PCDH11X: variants seen among roughly 807,000 people sequenced by gnomAD.
PCDH11X encodes the protein protocadherin 11 X-linked.
Under a neutral mutation model 53.3 loss-of-function variants are expected in PCDH11X, and 18 were observed. The ratio of observed to expected loss-of-function variants is 0.34; its 90% CI spans 0.23 to 0.50. The LOEUF is 0.50. PCDH11X is among the 20% of genes least tolerant of loss of function. The probability of loss-of-function intolerance (pLI) is 0.98; values close to 1 mark genes in which losing one functional copy is unlikely to be tolerated. For synonymous variants in PCDH11X, 279 were observed against 393.3 expected, an observed-to-expected ratio of 0.71 and a Z score of 3.44; for missense variants, 570 against 1,032.4, an observed-to-expected ratio of 0.55 and a Z score of 6.14.
At chrX:92,446,787 A>G (rs1443749825) in intron 9 of PCDH11X, among the ~76,000 whole-genome samples, 1 of 111,601 alleles carries the variant, frequency 9.0e-6, no homozygotes, top group Non-Finnish European at 1.9e-5. Flanking sequence ...GGTAACAAGC[A>G]GGGGTTGGAA....
intron 6 of PCDH11X, among the ~76,000 whole-genome samples, chrX:91,924,006 C>T (rs2147824768): frequency 9.2e-6 from 1 of 108,713 alleles, no homozygotes; most frequent in African/African-American, 3.3e-5. Flanking sequence ...CAAACCTGCA[C>T]ATGTACCCCC....
chrX:92,267,040 C>T (rs757985573), intron 8 of PCDH11X, among the ~76,000 whole-genome samples: 4 of 111,690 alleles, frequency 3.6e-5, no homozygotes, highest in African/African-American at 6.5e-5. Flanking sequence ...CCACTGCACC[C>T]GGCCTACTTA....
chrX:91,854,917 T>C (rs1473481536), intron 5 of PCDH11X, among the ~76,000 whole-genome samples: 1 of 111,754 alleles, frequency 8.9e-6, no homozygotes, highest in Non-Finnish European at 1.9e-5. Flanking sequence ...GATGGGTAGT[T>C]TGCAATATTT....
intron 8 of PCDH11X, among the ~76,000 whole-genome samples, chrX:92,321,315 C>G (rs770892583): frequency 9.3e-6 from 1 of 107,813 alleles, no homozygotes; most frequent in South Asian, 4.2e-4. Context: ...GCCTCAGCCT[C>G]CCGAGTAGCT....
At chrX:91,912,575 A>G (rs1448001270) in intron 6 of PCDH11X, among the ~76,000 whole-genome samples, 8 of 110,811 alleles carry the variant, frequency 7.2e-5, no homozygotes, top group African/African-American at 2.6e-4. Flanking sequence ...CACCTTAATG[A>G]TTTATGTATG....
chrX:92,550,266 A>C (rs1396876594), intron 10 of PCDH11X, among the ~76,000 whole-genome samples: 1 of 108,894 alleles, frequency 9.2e-6, no homozygotes, highest in African/African-American at 3.3e-5. Flanking sequence ...CTGTGTATTC[A>C]TTTAAAAAGC....
intron 1 of PCDH11X, among the ~76,000 whole-genome samples, chrX:91,785,094 TCACTGACA>T (rs949967020): frequency 9.5e-6 from 1 of 105,134 alleles, no homozygotes; most frequent in Non-Finnish European, 2.0e-5. Flanking sequence ...TCTGAAGTTC[TCACTGACA>T]CACTCCTGAC....
intron 10 of PCDH11X, among the ~76,000 whole-genome samples, chrX:92,593,505 T>C (rs1483566017): frequency 8.9e-6 from 1 of 111,953 alleles, no homozygotes; most frequent in Non-Finnish European, 1.9e-5. Context: ...TGGTAAGAGG[T>C]TATAAGAAGG....
At chrX:92,216,976 A>C (rs1340427825) in intron 7 of PCDH11X, among the ~76,000 whole-genome samples, 219 of 110,143 alleles carry the variant, frequency 2.0e-3, no homozygotes, top group African/African-American at 7.2e-3. Flanking sequence ...AAGGAGAAAT[A>C]AAATACTTTA....
At chrX:91,938,336 A>G (rs887392916) in intron 6 of PCDH11X, among the ~76,000 whole-genome samples, 1 of 107,186 alleles carries the variant, frequency 9.3e-6, no homozygotes, top group Non-Finnish European at 1.9e-5. Flanking sequence ...CTGTCAAATT[A>G]TGGACCTCAG....
rs754923569 is a variant in PCDH11X at position 91,825,583 on chromosome X, C to A, written c.-44-9878C>A. Among the ~76,000 whole-genome samples, 3 of 111,116 alleles carry A rather than the reference C, an allele frequency of 2.7e-5. No individual in the cohort carries two copies. In the South Asian group the frequency reaches 1.1e-3, roughly 42 times the overall value. On this transcript the variant is annotated intron_variant, in intron 4 of 10. Coordinates refer to ENST00000682573, the MANE Select transcript of PCDH11X (RefSeq NM_032968.5). ...GACCTGCGCCCACTGTGTGGCACTC[C>A]CTAGTGAGATGAACCCAGTACCTCA...
At chrX:92,157,051 C>T (rs1164530484) in intron 6 of PCDH11X, among the ~76,000 whole-genome samples, 3 of 111,847 alleles carry the variant, frequency 2.7e-5, no homozygotes, top group Admixed American at 9.5e-5. Context: ...CCAATGGTTG[C>T]GGTCTGTTCT....
At chrX:92,604,030 T>A (rs956918352) in intron 10 of PCDH11X, among the ~76,000 whole-genome samples, 3 of 107,427 alleles carry the variant, frequency 2.8e-5, no homozygotes, top group Non-Finnish European at 5.8e-5. Flanking sequence ...GTTCAGTCTA[T>A]AACATATAGA....
intron 10 of PCDH11X, among the ~76,000 whole-genome samples, chrX:92,564,028 C>G: frequency 9.1e-6 from 1 of 109,303 alleles, no homozygotes; most frequent in Non-Finnish European, 1.9e-5. Flanking sequence ...CTACAATAGC[C>G]ACAAGTAAAA....
At chrX:92,194,585 A>G (rs1267507302) in intron 6 of PCDH11X, among the ~76,000 whole-genome samples, 1 of 111,757 alleles carries the variant, frequency 8.9e-6, no homozygotes, top group East Asian at 2.8e-4. Context: ...AACTTAAATT[A>G]TAAAAAGTGG....
At chrX:91,995,025 T>C (rs1283151262) in intron 6 of PCDH11X, among the ~76,000 whole-genome samples, 5 of 111,188 alleles carry the variant, frequency 4.5e-5, no homozygotes, top group Non-Finnish European at 9.4e-5. Context: ...CAAAAGTATT[T>C]AGTTGTATGA....
chrX:92,452,090 G>A (rs914901146), intron 9 of PCDH11X, among the ~76,000 whole-genome samples: 2 of 109,180 alleles, frequency 1.8e-5, no homozygotes, highest in Non-Finnish European at 3.8e-5. Flanking sequence ...AAATTATGTC[G>A]ATAGAGAGAG....
At chrX:92,202,769 C>T (rs1035395141) in intron 7 of PCDH11X, among the ~76,000 whole-genome samples, 11 of 111,763 alleles carry the variant, frequency 9.8e-5, no homozygotes, top group African/African-American at 2.9e-4. Flanking sequence ...CGCCTGTAAT[C>T]CCAGCAGTTT....
chrX:92,178,049 T>C (rs2065938073), intron 6 of PCDH11X, among the ~76,000 whole-genome samples: 1 of 111,014 alleles, frequency 9.0e-6, no homozygotes, highest in African/African-American at 3.3e-5. Context: ...GATAAATGAA[T>C]TGTGAGAGCA....
Sources: allele counts gnomAD v4.1 joint callset (sites outside exome capture counted in the v4.1 genomes callset), GRCh38; gene constraint gnomAD v4.1.1; transcripts MANE v1.5; gene names NCBI Gene and HGNC (gene_info 2026-07-23, HGNC 2026-07-21).